PABPC1L: variants seen among roughly 807,000 people sequenced by gnomAD.
The protein encoded by PABPC1L is polyadenylate-binding protein 1-like.
A neutral mutation model predicts 66.6 loss-of-function variants in PABPC1L; 31 were observed. That is an observed-to-expected ratio of 0.47 (90% CI 0.35 to 0.63). The LOEUF (loss-of-function observed/expected upper bound fraction) is 0.63. Ranked by LOEUF, PABPC1L falls within the 20% of genes least tolerant of loss-of-function variation. The pLI is 0.00. For synonymous variants in PABPC1L, 348 were observed against 335.1 expected (o/e 1.04, Z -0.42); for missense variants, 722 against 848.8 (o/e 0.85, Z 1.86).
intron 6 of PABPC1L, 26 bp from the exon 7 acceptor site, chr20:44,924,135 A>T (rs537068600): frequency 1.3e-6 from 2 of 1,573,720 alleles, no homozygotes; most frequent in Non-Finnish European, 1.7e-6. Context: ...AGAAGGGGAC[A>T]TCCAGCAGTT....
intron 7 of PABPC1L, among the ~76,000 whole-genome samples, chr20:44,927,160 A>G (rs2145570676): frequency 6.6e-6 from 1 of 152,266 alleles, no homozygotes; most frequent in East Asian, 1.9e-4. Flanking sequence ...TGCTGGGATT[A>G]TAGGCATGAG....
chr20:44,926,972 C>T (rs544802759), intron 7 of PABPC1L, among the ~76,000 whole-genome samples: 85 of 152,000 alleles, frequency 5.6e-4, no homozygotes, highest in African/African-American at 1.8e-3. Context: ...ACCTCCTGGG[C>T]TCAAGTGATC....
At chr20:44,936,333 T>C (rs972154391) in intron 11 of PABPC1L, among the ~76,000 whole-genome samples, 1 of 152,182 alleles carries the variant, frequency 6.6e-6, no homozygotes, top group Non-Finnish European at 1.5e-5. Context: ...ATAAATCTAC[T>C]TGATAAAAAG....
Position 44,919,258 on chromosome 20 carries a change from A to T in PABPC1L, c.719A>T (p.Lys240Met). Residue 240 changes from lysine (K) to methionine (M), a missense_variant, in exon 5 of 15, where the codon AAG (lysine) becomes ATG (methionine). Lys to Met is a moderately conservative substitution (Grantham distance 95, BLOSUM62 -1). Transcript: ENST00000217073. ...TGCTTTGGCTTTGTCAACTTTGAGA[A>T]GCATGAGGAAGCCCAGAAGGTAGGA... ...SRCFGFVNFE[K>M]HEEAQKAVVH... 6.2e-7 allele frequency: 1 copy of T among 1,614,176 alleles called. No homozygotes were observed. Among genetic ancestry groups the T allele is most frequent in the Non-Finnish European group, 8.5e-7 (1 of 1,180,034 alleles).
chr20:44,933,323 G>A, intron 10 of PABPC1L, 138 bp downstream of exon 10: 1 of 691,524 alleles, frequency 1.4e-6, no homozygotes, highest in East Asian at 2.7e-5. Flanking sequence ...GTGGTAGTTA[G>A]CTTGGCCTCC....
Position 44,919,059 on chromosome 20 carries a change from C to T in PABPC1L, c.643+14C>T. ...TCTCCCAGTTTGGTGGGTGTGTCCC[C>T]AAGGGAGCGGGGGGATCACTGTTTT... On this transcript the variant is annotated intron_variant, in intron 4 of 14. Transcript: ENST00000217073. The T allele has an allele frequency of 1.2e-6, 2 of 1,611,128 alleles. No homozygotes were observed. The highest frequency in any genetic ancestry group is 1.7e-6 in the Non-Finnish European group (2 of 1,178,200).
rs373015874 is a variant in PABPC1L, at chr20:44,937,813, G to T, written c.1661-248G>T. The T allele has an allele frequency of 1.6e-4, 74 of 476,736 alleles. No homozygotes were observed. Among genetic ancestry groups the T allele is most frequent in the Non-Finnish European group, 2.4e-4 (64 of 270,980 alleles). The allele number at this position is 476,736 out of a possible 1,614,324, so 29.5% of individuals were successfully genotyped here. On this transcript the variant is annotated intron_variant, in intron 12 of 14. Transcript: ENST00000217073. ...CTTTCTTCATGGGACGATCCTTTCC[G>T]CCCCCACTTAAGGCACCCAGTCCTG...
rs116348363 is a variant in PABPC1L at position 44,918,855 on chromosome 20, C to T, written c.504-51C>T. ...TGAGCAGGAGTTGGCATGGGGGTGG[C>T]TGATGGCTGGTAGCTGTCCACAGCC... On this transcript the variant is annotated intron_variant, in intron 3 of 14. Transcript: ENST00000217073. 2.9e-4 allele frequency: 440 copies of T among 1,526,566 alleles called. No homozygotes were observed. The African/African-American group carries it at 5.6e-3, about 19-fold the overall frequency. 94.6% of individuals were successfully genotyped at this position (1,526,566 alleles called of 1,614,324 possible).
intron 12 of PABPC1L, 163 bp downstream of exon 12, chr20:44,936,893 GGC>G (rs2066905316): frequency 2.8e-6 from 2 of 725,520 alleles, no homozygotes; most frequent in African/African-American, 3.5e-5. Flanking sequence ...CTATTCTCTA[GGC>G]ACCTGTTATC....
chr20:44,916,027 G>A (rs929293457), intron 2 of PABPC1L, among the ~76,000 whole-genome samples: 1 of 151,760 alleles, frequency 6.6e-6, no homozygotes, highest in Non-Finnish European at 1.5e-5. Context: ...TAACAAGACT[G>A]TCAGGCCATG....
Position 44,918,549 on chromosome 20 carries a change from G to A in PABPC1L, c.504-357G>A, listed in dbSNP as rs77052920. Among the ~76,000 whole-genome samples, 757 of 152,158 alleles carry A rather than the reference G, an allele frequency of 5.0e-3. 5 individuals are homozygous for A. The highest frequency in any genetic ancestry group is 0.016 in the African/African-American group (670 of 41,506). On this transcript the variant is annotated intron_variant, in intron 3 of 14. Transcript: ENST00000217073. ...CAGAGAGGTTAAGTAGCTTGCCCAG[G>A]GTCACACAGCTAGGCAACTGCAGAG...
At chr20:44,932,087 A>G (rs992114192) in intron 8 of PABPC1L, 6 of 331,940 alleles carry the variant, frequency 1.8e-5, no homozygotes, top group Non-Finnish European at 3.3e-5. Flanking sequence ...GTAAGATGTC[A>G]CCCTTTTTAT....
At chr20:44,918,176 A>G (rs2066749668) in intron 3 of PABPC1L, among the ~76,000 whole-genome samples, 1 of 152,112 alleles carries the variant, frequency 6.6e-6, no homozygotes, top group East Asian at 1.9e-4. Context: ...AAATACAAGA[A>G]TTAGCCATGC....
At chr20:44,922,770 A>T (rs142696521) in intron 6 of PABPC1L, among the ~76,000 whole-genome samples, 5 of 152,350 alleles carry the variant, frequency 3.3e-5, no homozygotes, top group African/African-American at 4.8e-5. Context: ...AGTAGTTCTC[A>T]GTGAGGAGCA....
chr20:44,914,022 T>TA (rs2145554516), intron 2 of PABPC1L, among the ~76,000 whole-genome samples: 1 of 152,256 alleles, frequency 6.6e-6, no homozygotes, highest in East Asian at 1.9e-4. Flanking sequence ...TCTGACTTTT[T>TA]ATATGAGGAT....
intron 11 of PABPC1L, 132 bp downstream of exon 11, chr20:44,935,629 TC>T: frequency 1.6e-6 from 1 of 618,680 alleles, no homozygotes; most frequent in South Asian, 2.3e-5. Flanking sequence ...ATGTGTACAA[TC>T]AATAAGAGAT....
At chr20:44,938,558 C>T in intron 13 of PABPC1L, 116 bp from the exon 14 acceptor site, 2 of 1,223,380 alleles carry the variant, frequency 1.6e-6, no homozygotes, top group Non-Finnish European at 2.3e-6. Flanking sequence ...TCCACAGAAA[C>T]CCTGTGGATG....
At chr20:44,922,788 C>T (rs1289823844) in intron 6 of PABPC1L, among the ~76,000 whole-genome samples, 1 of 152,202 alleles carries the variant, frequency 6.6e-6, no homozygotes, top group Non-Finnish European at 1.5e-5. Flanking sequence ...GCAGTTTTGC[C>T]TCCTGGGGGA....
intron 1 of PABPC1L, among the ~76,000 whole-genome samples, chr20:44,911,873 T>A (rs762350421): frequency 6.6e-6 from 1 of 152,172 alleles, no homozygotes; most frequent in Admixed American, 6.5e-5. Flanking sequence ...CTCCACTGTG[T>A]TCCCCACAGC....
Sources: allele counts gnomAD v4.1 joint callset (sites outside exome capture counted in the v4.1 genomes callset), GRCh38; gene constraint gnomAD v4.1.1; transcripts MANE v1.5; gene names NCBI Gene and HGNC (gene_info 2026-07-23, HGNC 2026-07-21).